The following ADAMTS13 variants were observed in gnomAD, a reference collection of about 807,000 sequenced individuals.
ADAMTS13 encodes the protein ADAM metallopeptidase with thrombospondin type 1 motif 13.
ADAMTS13 carries 110 observed loss-of-function variants against 155.1 expected under a neutral mutation model. The ratio of observed to expected loss-of-function variants is 0.71; its 90% confidence interval spans 0.61 to 0.83. ADAMTS13 has a LOEUF of 0.83. Among genes scored for constraint, ADAMTS13 ranks in the 40% least tolerant of loss-of-function variants. The pLI, the probability that ADAMTS13 is intolerant of heterozygous loss-of-function variation, is 0.00. For missense variants in ADAMTS13, 1,707 were observed against 1,891.7 expected (o/e 0.90, Z 1.81); for synonymous variants, 758 against 756.4 (o/e 1.00, Z -0.03).
At chr9:133,451,346 C>G (rs922307117) in intron 23 of ADAMTS13, among the ~76,000 whole-genome samples, 1 of 152,202 alleles carries the variant, frequency 6.6e-6, no homozygotes, top group Non-Finnish European at 1.5e-5. Context: ...CAACCTCCGC[C>G]TCCCGGGTTC....
chr9:133,436,927 C>G lies in ADAMTS13; in HGVS notation c.1407C>G (p.His469Gln). ...CCCCTGGCGGCGCCTCCTTCTACCA[C>G]TGGGGTGCTGCTGTACCACACAGCC... ...RSSPGGASFY[H>Q]WGAAVPHSQG... Residue 469 changes from histidine (H) to glutamine (Q), a missense_variant, in exon 12 of 29, where the codon CAC (histidine) becomes CAG (glutamine). His to Gln is a conservative substitution (Grantham distance 24). This residue lies in a region of ADAMTS13 where 733 missense variants were observed against 749.6 expected (regional missense o/e 0.98). Transcript: ENST00000355699. 6.3e-7 allele frequency: 1 copy of G among 1,593,152 alleles called. No homozygotes were observed. Among genetic ancestry groups the G allele is most frequent in the Non-Finnish European group, 8.5e-7 (1 of 1,171,172 alleles).
In ADAMTS13 at chr9:133,445,462, C is replaced by T. The variant is rs587681657; in HGVS notation, c.2611-237C>T. Among the ~76,000 whole-genome samples, 109 of 152,304 alleles carry T rather than the reference C, an allele frequency of 7.2e-4. No homozygotes were observed. Among genetic ancestry groups the T allele is most frequent in the African/African-American group, 2.5e-3 (105 of 41,590 alleles). On this transcript the variant is annotated intron_variant, in intron 20 of 28. Transcript: ENST00000355699. This position sits in a 1 kb window ranked among gnomAD's most constrained non-coding sequence, Gnocchi z 5.0. ...TGTCCCACTCTTGGTCCCCAGCTCT[C>T]GGCCAGGCCCACAGTGAGCACTCAT...
intron 23 of ADAMTS13, among the ~76,000 whole-genome samples, chr9:133,451,382 C>T (rs1395336447): frequency 6.6e-6 from 1 of 152,160 alleles, no homozygotes; most frequent in Non-Finnish European, 1.5e-5. Context: ...CTCAGCCTCC[C>T]AAGTAGCTGG....
At chr9:133,443,671 G>C in intron 19 of ADAMTS13, 110 bp downstream of exon 19, 1 of 1,277,516 alleles carries the variant, frequency 7.8e-7, no homozygotes, top group East Asian at 2.6e-5. Flanking sequence ...CTCCGGCGGG[G>C]CCTCACCATC....
At chr9:133,454,763 A>G in intron 24 of ADAMTS13, 144 bp downstream of exon 24, 1 of 1,077,766 alleles carries the variant, frequency 9.3e-7, no homozygotes, top group Non-Finnish European at 1.3e-6. Context: ...GTGAGGGGGC[A>G]CCTAGAGGCA....
In ADAMTS13 at chr9:133,430,082, C is replaced by G. The variant is rs782360062; in HGVS notation, c.968C>G (p.Thr323Ser). The change falls in exon 8 of 29, where the codon ACC becomes AGC. Residue 323 changes from threonine to serine, a missense_variant. Transcript: ENST00000355699. ...TTCGGCCCCAAGGCTGTCGCCTGCA[C>G]CTTCGCCAGGGAGCACCTGGTGAGT... is the stretch of plus-strand genomic sequence containing the variant. ...VAFGPKAVAC[T>S]FAREHLDMCQ... 21 of 1,592,120 alleles carry G rather than the reference C, an allele frequency of 1.3e-5. No homozygotes were observed. The East Asian group carries it at 3.8e-4, about 29-fold the overall frequency.
In ADAMTS13 at chr9:133,432,616, C is replaced by A; in HGVS notation, c.1016C>A (p.Thr339Lys). 2 of 1,556,098 alleles carry A rather than the reference C, an allele frequency of 1.3e-6. No homozygotes were observed. Among genetic ancestry groups the A allele is most frequent in the Non-Finnish European group, 1.7e-6 (2 of 1,149,414 alleles). ...ATGTGCCAGGCCCTCTCCTGCCACA[C>A]AGACCCGCTGGACCAAAGCAGCTGC... ...LDMCQALSCH[T>K]DPLDQSSCSR... Residue 339 changes from threonine to lysine, a missense_variant, in exon 9 of 29, where the codon ACA (threonine) becomes AAA (lysine). Physicochemically the swap from Thr to Lys is moderately conservative, Grantham distance 78 (BLOSUM62 -1). Around this residue, in one of 3 missense-constraint regions of ADAMTS13, gnomAD observed 733 missense variants for 749.6 expected, o/e 0.98. Coordinates refer to ENST00000355699, the MANE Select transcript of ADAMTS13 (RefSeq NM_139027.6).
In ADAMTS13 at chr9:133,456,962, G is replaced by A. The variant is rs888710484; in HGVS notation, c.3724+243G>A. ...AGCAAGATGGACGGATGTGGGACAT[G>A]GTCCACATCCTCAGTCAGTCCCTCA... On this transcript the variant is annotated intron_variant, in intron 27 of 28. Coordinates refer to ENST00000355699, the MANE Select transcript of ADAMTS13 (RefSeq NM_139027.6). The surrounding 1 kb of genome is among the most constrained non-coding windows in gnomAD (Gnocchi z 4.4). The A allele has an allele frequency of 4.6e-6, 3 of 649,682 alleles. No homozygotes were observed. The African/African-American group carries it at 5.3e-5, about 12-fold the overall frequency. 40.2% of individuals were successfully genotyped at this position (649,682 alleles called of 1,614,324 possible).
At chr9:133,430,149 ATCACCCAGC>A in intron 8 of ADAMTS13, 48 bp downstream of exon 8, 1 of 1,546,942 alleles carries the variant, frequency 6.5e-7, no homozygotes, top group Non-Finnish European at 8.7e-7. Flanking sequence ...GTCCCTCCGC[ATCACCCAGC>A]TCACGTCCCC....
intron 11 of ADAMTS13, among the ~76,000 whole-genome samples, chr9:133,434,718 G>A (rs782511364): frequency 1.6e-4 from 24 of 152,234 alleles, no homozygotes; most frequent in Non-Finnish European, 3.5e-4. Flanking sequence ...TACTGCCTCT[G>A]TCTAGTTTCA....
upstream of ADAMTS13, chr9:133,418,190 G>C (rs1369510534): frequency 5.8e-6 from 2 of 347,486 alleles, no homozygotes; most frequent in Non-Finnish European, 1.1e-5. Context: ...GCAAGCCGAG[G>C]ACCTCCCCAA....
At chr9:133,436,990 C>A (rs1554789290) in intron 12 of ADAMTS13, 35 bp downstream of exon 12, 2 of 1,583,430 alleles carry the variant, frequency 1.3e-6, no homozygotes, top group Non-Finnish European at 1.7e-6. Context: ...GGGGGAGGAG[C>A]CAGCCCTGGA....
intron 6 of ADAMTS13, among the ~76,000 whole-genome samples, chr9:133,426,677 C>G (rs587713141): frequency 3.3e-5 from 5 of 152,060 alleles, no homozygotes; most frequent in African/African-American, 1.2e-4. Context: ...TAATTTCAGT[C>G]TTTTCTTTAC....
In ADAMTS13 at chr9:133,459,221, G is replaced by C; in HGVS notation, c.*41G>C. 2 of 1,558,636 alleles carry C rather than the reference G, an allele frequency of 1.3e-6. No individual in the cohort carries two copies. Among genetic ancestry groups the C allele is most frequent in the East Asian group, 2.3e-5 (1 of 42,576 alleles). On this transcript the variant is annotated 3_prime_UTR_variant, in exon 29 of 29. Transcript: ENST00000355699. The stretch of plus-strand genomic sequence containing the variant: ...TGTTCCGTGTCTGGCCAGCCCTGGA[G>C]GGTTGACCCCTGGTCTCAGTGCTTT...
Position 133,441,794 on chromosome 9 carries a change from T to C in ADAMTS13, c.1969-605T>C, listed in dbSNP as rs2130871800. 6.6e-6 allele frequency among the ~76,000 whole-genome samples: 1 copy of C among 152,342 alleles called. No individual in the cohort carries two copies. The highest frequency in any genetic ancestry group is 1.9e-4 in the East Asian group (1 of 5,188). On this transcript the variant is annotated intron_variant, in intron 16 of 28. Transcript: ENST00000355699. The surrounding 1 kb of genome is among the most constrained non-coding windows in gnomAD (Gnocchi z 5.0). The stretch of plus-strand genomic sequence containing the variant: ...GGTCCCCAGGGATCCAGTTTCTTCC[T>C]GCCGACCCTACGGGCCTCAGCTCTG...
chr9:133,433,295 T>G, intron 9 of ADAMTS13, 83 bp from the exon 10 acceptor site: 1 of 1,575,076 alleles, frequency 6.3e-7, no homozygotes, highest in Non-Finnish European at 8.7e-7. Context: ...TCCCTGAGGA[T>G]GTTGGGGGAC....
Position 133,425,760 on chromosome 9 carries a change from G to A in ADAMTS13, c.414+148G>A. On this transcript the variant is annotated intron_variant, in intron 4 of 28. Coordinates refer to ENST00000355699, the MANE Select transcript of ADAMTS13 (RefSeq NM_139027.6). The surrounding 1 kb of genome is among the most constrained non-coding windows in gnomAD (Gnocchi z 4.6). ...GCCAGACAGACCAGCTGCCCTCCCA[G>A]CTCTACCCAGCACTCAGCACAGGCT... 2 of 1,400,802 alleles carry A rather than the reference G, an allele frequency of 1.4e-6. No individual in the cohort carries two copies. The highest frequency in any genetic ancestry group is 2.5e-5 in the South Asian group (2 of 80,754). The allele number at this position is 1,400,802 out of a possible 1,614,324, so 86.8% of individuals were successfully genotyped here.
upstream of ADAMTS13, chr9:133,417,485 T>C (rs2130750697): frequency 7.8e-6 from 7 of 893,152 alleles, 1 homozygote; most frequent in South Asian, 3.2e-5. Context: ...CCACCTTTCT[T>C]GTGAAAAGCT....
chr9:133,442,895 A>T lies in ADAMTS13; in HGVS notation c.2234+152A>T, dbSNP rs1554791335. ...CATTACCCCTGCCCACAGCCCTGCAAGGGGGGCTCTGTGAGTGCCCCCATT... is the reference window on the plus strand; with the variant it reads ...CATTACCCCTGCCCACAGCCCTGCATGGGGGGCTCTGTGAGTGCCCCCATT... On this transcript the variant is annotated intron_variant, in intron 18 of 28. Coordinates refer to ENST00000355699, the MANE Select transcript of ADAMTS13 (RefSeq NM_139027.6). 3.0e-6 allele frequency: 4 copies of T among 1,313,746 alleles called. No homozygotes were observed. In the Admixed American group the frequency reaches 1.1e-4, roughly 37 times the overall value. 81.4% of individuals were successfully genotyped at this position (1,313,746 alleles called of 1,614,324 possible). A position where few individuals can be genotyped will look rare whatever the true frequency, so the allele number is the denominator to read the frequency against.
Sources: gnomAD v4.1 joint callset for allele counts (sites outside exome capture counted in the v4.1 genomes callset) on GRCh38, gnomAD v4.1.1 for gene constraint, gnomAD v4.1.1 regional missense constraint, Gnocchi (gnomAD v3.1) non-coding constraint, MANE v1.5 for transcripts, NCBI Gene and HGNC (gene_info 2026-07-23, HGNC 2026-07-21) for gene names.